Variants in ARNT2 observed in about 807,000 individuals in gnomAD.
The protein encoded by ARNT2 is ARNT protein 2.
Under a neutral mutation model 91.7 loss-of-function variants are expected in ARNT2, and 36 were observed. The ratio of observed to expected loss-of-function variants is 0.39; its 90% CI spans 0.30 to 0.52. ARNT2 has a LOEUF of 0.52. Among genes scored for constraint, ARNT2 ranks in the 20% least tolerant of loss-of-function variants. The pLI is 0.72. For missense variants in ARNT2, 775 were observed against 939.3 expected, an observed-to-expected ratio of 0.83 and a Z score of 2.29; for synonymous variants, 365 against 347.1, an observed-to-expected ratio of 1.05 and a Z score of -0.57.
intron 13 of ARNT2, 114 bp downstream of exon 13, chr15:80,574,334 C>A (rs141135058): frequency 1.6e-5 from 16 of 1,024,840 alleles, no homozygotes; most frequent in South Asian, 1.4e-5. Flanking sequence ...CCCATCCCCC[C>A]ACTACAATGG....
chr15:80,483,259 A>G (rs1264347168), intron 5 of ARNT2, among the ~76,000 whole-genome samples: 3 of 152,226 alleles, frequency 2.0e-5, no homozygotes, highest in Non-Finnish European at 4.4e-5. Context: ...TTCGATGCAC[A>G]TTTTAGTTTG....
chr15:80,407,190 C>A (rs1489964189), intron 1 of ARNT2, among the ~76,000 whole-genome samples: 1 of 152,154 alleles, frequency 6.6e-6, no homozygotes, highest in African/African-American at 2.4e-5. Flanking sequence ...TAGTTCGTGT[C>A]CAGGGTACAA....
chr15:80,533,412 A>G (rs1008462291), intron 8 of ARNT2, among the ~76,000 whole-genome samples: 2 of 152,182 alleles, frequency 1.3e-5, no homozygotes, highest in African/African-American at 2.4e-5. Context: ...TTTAAAAGTC[A>G]TGGAGGAACG....
chr15:80,581,933 A>G (rs1427624582), intron 17 of ARNT2, among the ~76,000 whole-genome samples: 1 of 152,110 alleles, frequency 6.6e-6, no homozygotes, highest in Non-Finnish European at 1.5e-5. Context: ...TGTGTAAGGA[A>G]CCTCCTCAGC....
intron 5 of ARNT2, among the ~76,000 whole-genome samples, chr15:80,489,223 C>T (rs1035472239): frequency 1.1e-4 from 16 of 152,198 alleles, no homozygotes; most frequent in Non-Finnish European, 1.8e-4. Context: ...GACACATTTC[C>T]CTCTGAAATG....
At chr15:80,450,540 T>C (rs17788120) in intron 1 of ARNT2, among the ~76,000 whole-genome samples, 61,488 of 152,074 alleles carry the variant, frequency 0.4, 12,676 homozygotes, top group South Asian at 0.46. Flanking sequence ...TTAGCTGTGC[T>C]GCTCGGATTC....
rs528021218 is a variant in ARNT2, at chr15:80,453,978, G to A, written c.146+2984G>A. Among the ~76,000 whole-genome samples the A allele has an allele frequency of 7.2e-5, 11 of 152,298 alleles. No homozygotes were observed. In the East Asian group the frequency reaches 1.4e-3, roughly 19 times the overall value. On this transcript the variant is annotated intron_variant, in intron 2 of 18. Coordinates refer to ENST00000303329, the MANE Select transcript of ARNT2 (RefSeq NM_014862.4). ...TGTTCCAAAGCCAATTAGAACCAAT[G>A]TCTTGCAGTTGGGATCCTCCAGGCC...
intron 5 of ARNT2, among the ~76,000 whole-genome samples, chr15:80,482,151 C>T (rs1054675453): frequency 5.9e-5 from 9 of 152,184 alleles, no homozygotes; most frequent in Non-Finnish European, 1.0e-4. Flanking sequence ...CTTAAACAGT[C>T]CTCCCATCTC....
At chr15:80,456,687 T>C (rs957940402) in intron 2 of ARNT2, among the ~76,000 whole-genome samples, 20 of 152,310 alleles carry the variant, frequency 1.3e-4, no homozygotes, top group Admixed American at 1.0e-3. Flanking sequence ...TGCCATTTCC[T>C]GGTAACCTGG....
rs563508165 is a variant in ARNT2, at chr15:80,425,037, A to G, written c.31+20491A>G. Among the ~76,000 whole-genome samples the G allele has an allele frequency of 4.3e-4, 66 of 152,356 alleles. No individual in the cohort carries two copies. In the South Asian group the frequency reaches 7.9e-3, roughly 18 times the overall value. On this transcript the variant is annotated intron_variant, in intron 1 of 18. Coordinates refer to ENST00000303329, the MANE Select transcript of ARNT2 (RefSeq NM_014862.4). ...AAACGAATTACTAAAATAAAACTAT[A>G]TCATGAACATGCTTGTGCAAACTTG...
intron 1 of ARNT2, among the ~76,000 whole-genome samples, chr15:80,419,055 A>T (rs1240081288): frequency 6.6e-6 from 1 of 152,068 alleles, no homozygotes; most frequent in African/African-American, 2.4e-5. Context: ...CTGGAAACAA[A>T]CCATTTTCTA....
At chr15:80,452,891 TG>T (rs1251651160) in intron 2 of ARNT2, among the ~76,000 whole-genome samples, 1 of 152,192 alleles carries the variant, frequency 6.6e-6, no homozygotes, top group Non-Finnish European at 1.5e-5. Flanking sequence ...CCCTGATTTG[TG>T]GTTGCTCCCC....
intron 1 of ARNT2, among the ~76,000 whole-genome samples, chr15:80,436,956 GAT>G (rs1567179217): frequency 6.6e-6 from 1 of 152,140 alleles, no homozygotes; most frequent in Non-Finnish European, 1.5e-5. Flanking sequence ...CCGTCCCACT[GAT>G]GGTCTCTCCT....
chr15:80,549,795 A>G (rs1320631299), intron 8 of ARNT2, among the ~76,000 whole-genome samples: 1 of 152,238 alleles, frequency 6.6e-6, no homozygotes, highest in African/African-American at 2.4e-5. Flanking sequence ...AAAGTTTGGC[A>G]AAACAAAACT....
rs1272919390 is a variant in ARNT2 at position 80,511,352 on chromosome 15, A to G, written c.726-2559A>G. On this transcript the variant is annotated intron_variant, in intron 6 of 18. Coordinates refer to ENST00000303329, the MANE Select transcript of ARNT2 (RefSeq NM_014862.4). ...AAAACTCAGGGACACATGGAGCAGA[A>G]CAACACACGCTGGGGACTTTCAGAG... 5.9e-5 allele frequency among the ~76,000 whole-genome samples: 9 copies of G among 152,200 alleles called. No homozygotes were observed. The South Asian group carries it at 1.2e-3, about 21-fold the overall frequency.
chr15:80,559,875 G>C (rs1026377731), intron 11 of ARNT2, among the ~76,000 whole-genome samples: 2 of 152,178 alleles, frequency 1.3e-5, no homozygotes, highest in Non-Finnish European at 2.9e-5. Flanking sequence ...CATTGCACCT[G>C]GGTTAAGCAC....
chr15:80,417,698 A>G (rs1374889534), intron 1 of ARNT2, among the ~76,000 whole-genome samples: 6 of 151,816 alleles, frequency 4.0e-5, no homozygotes, highest in Non-Finnish European at 7.4e-5. Flanking sequence ...ACCCAAAGAA[A>G]CAGGATGAGG....
intron 11 of ARNT2, 121 bp downstream of exon 11, chr15:80,555,260 C>A: frequency 2.1e-6 from 2 of 938,976 alleles, no homozygotes; most frequent in Non-Finnish European, 1.7e-6. Flanking sequence ...TATGGCCTCA[C>A]TCAGGGCCCC....
intron 8 of ARNT2, among the ~76,000 whole-genome samples, chr15:80,549,876 A>T (rs1898053058): frequency 6.6e-6 from 1 of 152,236 alleles, no homozygotes; most frequent in South Asian, 2.1e-4. Flanking sequence ...ACTTCTGATG[A>T]TAATAAAACA....
Sources: allele counts gnomAD v4.1 joint callset (sites outside exome capture counted in the v4.1 genomes callset), GRCh38; gene constraint gnomAD v4.1.1; transcripts MANE v1.5; gene names NCBI Gene and HGNC (gene_info 2026-07-23, HGNC 2026-07-21).